The following ARHGAP10 variants were observed in gnomAD, a reference collection of about 807,000 sequenced individuals.
ARHGAP10 encodes Rho GTPase activating protein 10.
Under a neutral mutation model 108.6 loss-of-function variants are expected in ARHGAP10, and 87 were observed. That is an observed-to-expected ratio of 0.80 (90% confidence interval 0.67 to 0.96). The LOEUF (loss-of-function observed/expected upper bound fraction) is 0.96, where lower values mean the gene tolerates loss of function less well. ARHGAP10 is among the 40% of genes least tolerant of loss of function. The pLI is 0.00. For synonymous variants in ARHGAP10, 347 were observed against 341.1 expected, an observed-to-expected ratio of 1.02 and a Z score of -0.19; for missense variants, 939 against 954.5, an observed-to-expected ratio of 0.98 and a Z score of 0.21.
intron 1 of ARHGAP10, among the ~76,000 whole-genome samples, chr4:147,815,244 G>A (rs1396872498): frequency 3.3e-5 from 5 of 152,190 alleles, no homozygotes; most frequent in Non-Finnish European, 7.3e-5. Flanking sequence ...CCTTGGGCAA[G>A]TTGGGTAACC....
At chr4:147,986,939 C>T (rs989641382) in intron 18 of ARHGAP10, among the ~76,000 whole-genome samples, 9 of 152,180 alleles carry the variant, frequency 5.9e-5, no homozygotes, top group African/African-American at 7.2e-5. Flanking sequence ...TCCTTCCATT[C>T]GAAATGGCTT....
chr4:147,768,100 A>G lies in ARHGAP10; in HGVS notation c.154+35645A>G, dbSNP rs567191322. Among the ~76,000 whole-genome samples the G allele has an allele frequency of 1.9e-4, 29 of 152,314 alleles. No individual in the cohort carries two copies. The East Asian group carries it at 3.5e-3, about 18-fold the overall frequency. On this transcript the variant is annotated intron_variant, in intron 1 of 22. Transcript: ENST00000336498. Reference sequence around the variant, plus strand: ...ATAAATACCTGTATCTGGTTGGCCCATGTCCTAGCTGCTGAATATTCAGGA... The same window carrying G: ...ATAAATACCTGTATCTGGTTGGCCCGTGTCCTAGCTGCTGAATATTCAGGA...
chr4:147,784,799 TAAATATAATATATTATA>T (rs1730788542), intron 1 of ARHGAP10, among the ~76,000 whole-genome samples: 2 of 22,268 alleles, frequency 9.0e-5, no homozygotes. Flanking sequence ...ATATATATTA[TAAATATAATATATTATA>T]AAATATATAT....
chr4:147,866,745 TATC>T lies in ARHGAP10; in HGVS notation c.636_638del (p.His212del), dbSNP rs879247986. 1 of 1,613,956 alleles carries T rather than the reference TATC, an allele frequency of 6.2e-7. No homozygotes were observed. Among genetic ancestry groups the T allele is most frequent in the South Asian group, 1.1e-5 (1 of 91,038 alleles). On this transcript the variant is annotated inframe_deletion, in exon 7 of 23. Transcript: ENST00000336498. ...ATTTTTTCAGGGGATGTTTACCTTCTATCATCAGGGCCATGAACTTGCCAAAGA... is the reference window on the plus strand; with the variant it reads ...ATTTTTTCAGGGGATGTTTACCTTCTATCAGGGCCATGAACTTGCCAAAGA...
chr4:147,883,125 G>T (rs1258258534), intron 10 of ARHGAP10, among the ~76,000 whole-genome samples: 1 of 152,216 alleles, frequency 6.6e-6, no homozygotes, highest in South Asian at 2.1e-4. Context: ...ACCATTTATT[G>T]TACATAAAAA....
At chr4:147,919,826 C>T (rs1010294517) in intron 13 of ARHGAP10, among the ~76,000 whole-genome samples, 2 of 152,096 alleles carry the variant, frequency 1.3e-5, no homozygotes, top group Non-Finnish European at 2.9e-5. Context: ...AGTATCTACC[C>T]TCCTCTGCCT....
intron 1 of ARHGAP10, among the ~76,000 whole-genome samples, chr4:147,804,120 A>G (rs905096144): frequency 2.6e-5 from 4 of 151,840 alleles, no homozygotes; most frequent in Non-Finnish European, 5.9e-5. Context: ...ATGGTACCCA[A>G]TAGGTAGTTT....
chr4:147,819,608 C>T (rs535277159), intron 1 of ARHGAP10, among the ~76,000 whole-genome samples: 7 of 152,028 alleles, frequency 4.6e-5, no homozygotes, highest in Non-Finnish European at 8.8e-5. Flanking sequence ...AGTTCAGTGG[C>T]GCTGTCTCAG....
chr4:147,847,367 G>A (rs1043998257), intron 4 of ARHGAP10, 145 bp downstream of exon 4: 5 of 766,376 alleles, frequency 6.5e-6, no homozygotes, highest in Non-Finnish European at 6.2e-6. Flanking sequence ...CCCCCTTTGG[G>A]GGATATGGAA....
intron 18 of ARHGAP10, among the ~76,000 whole-genome samples, chr4:147,980,069 G>A (rs1296736843): frequency 6.6e-6 from 1 of 152,178 alleles, no homozygotes; most frequent in African/African-American, 2.4e-5. Context: ...CTTCTAGTAT[G>A]TTGAATAGGA....
intron 15 of ARHGAP10, among the ~76,000 whole-genome samples, 156 bp from the exon 16 acceptor site, chr4:147,955,160 G>A (rs769109664): frequency 9.6e-4 from 146 of 152,140 alleles, no homozygotes; most frequent in Middle Eastern, 6.8e-3. Context: ...AAAGTGATCC[G>A]TTTATGTATC....
chr4:147,734,896 A>C (rs527932340), intron 1 of ARHGAP10, among the ~76,000 whole-genome samples: 1 of 152,262 alleles, frequency 6.6e-6, no homozygotes, highest in East Asian at 1.9e-4. Context: ...ATATTTCCAG[A>C]TATTTTATAT....
chr4:147,783,411 A>G (rs1730647872), intron 1 of ARHGAP10, among the ~76,000 whole-genome samples: 1 of 137,438 alleles, frequency 7.3e-6, no homozygotes, highest in Non-Finnish European at 1.6e-5. Flanking sequence ...TATAATTTAT[A>G]TAGCACACAT....
intron 3 of ARHGAP10, among the ~76,000 whole-genome samples, chr4:147,839,126 A>G (rs111387593): frequency 0.018 from 2,663 of 148,704 alleles, 83 homozygotes; most frequent in African/African-American, 0.062. Flanking sequence ...CTATCTATCT[A>G]TCTATCTATC....
intron 1 of ARHGAP10, among the ~76,000 whole-genome samples, chr4:147,817,280 T>G (rs1447882414): frequency 6.6e-6 from 1 of 152,114 alleles, no homozygotes; most frequent in Non-Finnish European, 1.5e-5. Flanking sequence ...CTCAGGCTTG[T>G]AACTTAAGGG....
rs1553958574 is a variant in ARHGAP10, at chr4:147,869,998, T to TTTTTTTTGTCTGTG, written c.702+3183_702+3184insTTTTTTGTCTGTGT. Among the ~76,000 whole-genome samples, 122 of 93,106 alleles carry TTTTTTTTGTCTGTG rather than the reference T, an allele frequency of 1.3e-3. 3 individuals carry two copies. Among genetic ancestry groups the TTTTTTTTGTCTGTG allele is most frequent in the African/African-American group, 4.7e-3 (107 of 22,790 alleles). 61.1% of individuals were successfully genotyped at this position (93,106 alleles called of 152,430 possible). On this transcript the variant is annotated intron_variant, in intron 7 of 22. Coordinates refer to ENST00000336498, the MANE Select transcript of ARHGAP10 (RefSeq NM_024605.4). ...ACATATTGTTGAAAAAAGTCCCAGTTTGTGTGTGTGTGTGTGTGTGTGTGT... is the reference window on the plus strand; with the variant it reads ...ACATATTGTTGAAAAAAGTCCCAGTTTTTTTTTGTCTGTGTGTGTGTGTGTGTGTGTGTGTGTGT...
intron 1 of ARHGAP10, among the ~76,000 whole-genome samples, chr4:147,787,859 T>C (rs571180971): frequency 3.9e-5 from 6 of 152,220 alleles, no homozygotes; most frequent in South Asian, 2.1e-4. Flanking sequence ...CTGGAGTTAA[T>C]GTGAGGCACC....
intron 1 of ARHGAP10, among the ~76,000 whole-genome samples, chr4:147,740,746 T>C (rs1279460938): frequency 2.0e-5 from 3 of 152,220 alleles, no homozygotes; most frequent in Non-Finnish European, 4.4e-5. Flanking sequence ...TTTTAACTTA[T>C]TCTTTTAGTA....
chr4:147,951,235 C>G (rs1304119240), intron 15 of ARHGAP10, among the ~76,000 whole-genome samples: 3 of 152,066 alleles, frequency 2.0e-5, no homozygotes, highest in South Asian at 2.1e-4. Context: ...CATTCCCCCC[C>G]TCCCTCGACC....
Sources: allele counts gnomAD v4.1 joint callset (sites outside exome capture counted in the v4.1 genomes callset), GRCh38; gene constraint gnomAD v4.1.1; transcripts MANE v1.5; gene names NCBI Gene and HGNC (gene_info 2026-07-23, HGNC 2026-07-21).